PCDHAC1: variants seen among roughly 807,000 people sequenced by gnomAD.
PCDHAC1 encodes protocadherin alpha-C1.
PCDHAC1 carries 42 observed loss-of-function variants against 60.0 expected under a neutral mutation model. The ratio of observed to expected loss-of-function variants is 0.70; its 90% CI spans 0.55 to 0.90. The LOEUF (loss-of-function observed/expected upper bound fraction) is 0.90. PCDHAC1 is among the 40% of genes least tolerant of loss of function. The probability of loss-of-function intolerance (pLI) is 0.00; values close to 1 mark genes in which losing one functional copy is unlikely to be tolerated. For synonymous variants in PCDHAC1, 468 were observed against 499.3 expected, an observed-to-expected ratio of 0.94 and a Z score of 0.84; for missense variants, 1,160 against 1,222.3, an observed-to-expected ratio of 0.95 and a Z score of 0.76.
intron 1 of PCDHAC1, among the ~76,000 whole-genome samples, chr5:140,959,089 C>T (rs150796442): frequency 0.023 from 3,565 of 152,100 alleles, 49 homozygotes; most frequent in Middle Eastern, 0.034. Context: ...TCCTTGGTTT[C>T]GGACATTCAG....
chr5:140,972,552 T>G (rs1247039171), intron 1 of PCDHAC1, among the ~76,000 whole-genome samples: 1 of 152,160 alleles, frequency 6.6e-6, no homozygotes, highest in Admixed American at 6.5e-5. Flanking sequence ...CAGTGAGGAT[T>G]CTGAAGTAAC....
chr5:140,997,921 G>T lies in PCDHAC1; in HGVS notation c.2582-11706G>T, dbSNP rs553205382. On this transcript the variant is annotated intron_variant, in intron 3 of 3. Coordinates refer to ENST00000253807, the MANE Select transcript of PCDHAC1 (RefSeq NM_018898.5). ...CAAGAAGTAGAATTACAGAATCATA[G>T]GATATAAAAATATCAAATTGGCAAA... is the stretch of plus-strand genomic sequence containing the variant. Among the ~76,000 whole-genome samples the T allele has an allele frequency of 1.1e-4, 16 of 152,200 alleles. No homozygotes were observed. The South Asian group carries it at 3.3e-3, about 32-fold the overall frequency.
intron 3 of PCDHAC1, among the ~76,000 whole-genome samples, chr5:140,988,416 A>G (rs1462025901): frequency 6.6e-6 from 1 of 152,118 alleles, no homozygotes; most frequent in Non-Finnish European, 1.5e-5. Flanking sequence ...AGCTTATGTA[A>G]AGAATTTGTT....
chr5:141,011,429 A>G lies in PCDHAC1; in HGVS notation c.*1492A>G, dbSNP rs1554263477. ...TGTGTATGTGAATGTTAATGCAACT[A>G]TTACCTAGAGTGAACTTTAAGCTTT... On this transcript the variant is annotated 3_prime_UTR_variant, in exon 4 of 4. Coordinates refer to ENST00000253807, the MANE Select transcript of PCDHAC1 (RefSeq NM_018898.5). 1.3e-5 allele frequency: 2 copies of G among 153,758 alleles called. No homozygotes were observed. Among genetic ancestry groups the G allele is most frequent in the Non-Finnish European group, 2.9e-5 (2 of 68,036 alleles). 9.5% of individuals were successfully genotyped at this position (153,758 alleles called of 1,614,324 possible).
At chr5:140,961,876 T>G (rs929753490) in intron 1 of PCDHAC1, among the ~76,000 whole-genome samples, 1 of 151,746 alleles carries the variant, frequency 6.6e-6, no homozygotes, top group South Asian at 2.1e-4. Context: ...ATAATTGACT[T>G]ACTTACATCA....
At chr5:140,977,227 A>G (rs149467858) in intron 1 of PCDHAC1, among the ~76,000 whole-genome samples, 4 of 152,288 alleles carry the variant, frequency 2.6e-5, no homozygotes, top group African/African-American at 7.2e-5. Context: ...ATGTTACCCA[A>G]TCATAGAAAA....
intron 2 of PCDHAC1, among the ~76,000 whole-genome samples, chr5:140,981,442 C>T (rs1379745081): frequency 6.6e-6 from 1 of 151,988 alleles, no homozygotes; most frequent in Non-Finnish European, 1.5e-5. Flanking sequence ...GGCATGGTGG[C>T]GGGTGCCTGT....
At chr5:140,999,486 A>G (rs1282748321) in intron 3 of PCDHAC1, among the ~76,000 whole-genome samples, 1 of 152,144 alleles carries the variant, frequency 6.6e-6, no homozygotes, top group Non-Finnish European at 1.5e-5. Context: ...ACTCAAGTCT[A>G]TGTTACCCAA....
Position 140,952,580 on chromosome 5 carries a change from A to G in PCDHAC1, c.2433+23255A>G, listed in dbSNP as rs538999222. ...ATCAGCACTTCGGTCCCAATCATTCAAGTAGTCTCTAGGAAGTTCTAAGCT... is the reference window on the plus strand; with the variant it reads ...ATCAGCACTTCGGTCCCAATCATTCGAGTAGTCTCTAGGAAGTTCTAAGCT... On this transcript the variant is annotated intron_variant, in intron 1 of 3. Transcript: ENST00000253807. Among the ~76,000 whole-genome samples the G allele has an allele frequency of 2.0e-4, 30 of 152,248 alleles. No homozygotes were observed. In the South Asian group the frequency reaches 2.3e-3, roughly 12 times the overall value.
In PCDHAC1 at chr5:140,926,320, C is replaced by G. The variant is rs555057115; in HGVS notation, c.-573C>G. The G allele has an allele frequency of 2.5e-3, 377 of 152,358 alleles. No individual in the cohort carries two copies. The highest frequency in any genetic ancestry group is 3.8e-3 in the Non-Finnish European group (257 of 68,082). The allele number at this position is 152,358 out of a possible 1,614,324, so 9.4% of individuals were successfully genotyped here. A position where few individuals can be genotyped will look rare whatever the true frequency, so the allele number is the denominator to read the frequency against. On this transcript the variant is annotated 5_prime_UTR_variant, in exon 1 of 4. Transcript: ENST00000253807. Reference sequence around the variant, plus strand: ...CGCCCTCTCCGCCGGAGAGGTGCGCCGGGGTCAGAGCGCCGGGACCCGACG... The same window carrying G: ...CGCCCTCTCCGCCGGAGAGGTGCGCGGGGGTCAGAGCGCCGGGACCCGACG...
chr5:140,955,493 T>G (rs1554221955), intron 1 of PCDHAC1, among the ~76,000 whole-genome samples: 1 of 152,190 alleles, frequency 6.6e-6, no homozygotes, highest in African/African-American at 2.4e-5. Flanking sequence ...CCTGCCACCA[T>G]GTGAAGAAAG....
chr5:141,000,805 G>C (rs1049253262), intron 3 of PCDHAC1, among the ~76,000 whole-genome samples: 2 of 151,852 alleles, frequency 1.3e-5, no homozygotes, highest in Non-Finnish European at 2.9e-5. Context: ...TACTCAGAAG[G>C]CTGAGGTGGG....
At chr5:140,945,155 A>G (rs566867183) in intron 1 of PCDHAC1, among the ~76,000 whole-genome samples, 22 of 152,284 alleles carry the variant, frequency 1.4e-4, no homozygotes, top group African/African-American at 5.3e-4. Context: ...TCTATACACT[A>G]TTGAACTATC....
chr5:140,935,828 A>G (rs1365293166), intron 1 of PCDHAC1, among the ~76,000 whole-genome samples: 1 of 152,004 alleles, frequency 6.6e-6, no homozygotes, highest in Non-Finnish European at 1.5e-5. Context: ...GTATTTACAC[A>G]TATTCCATAC....
intron 1 of PCDHAC1, among the ~76,000 whole-genome samples, chr5:140,944,386 T>C (rs1228891284): frequency 6.6e-6 from 1 of 152,054 alleles, no homozygotes; most frequent in Admixed American, 6.6e-5. Flanking sequence ...GGAGTCTCAC[T>C]GTGTTATCCA....
At chr5:140,938,209 G>C (rs1210350140) in intron 1 of PCDHAC1, among the ~76,000 whole-genome samples, 1 of 152,160 alleles carries the variant, frequency 6.6e-6, no homozygotes, top group Admixed American at 6.5e-5. Flanking sequence ...GCCTCCCAAA[G>C]TGCTGGGATT....
At chr5:140,971,752 A>C (rs1367685618) in intron 1 of PCDHAC1, among the ~76,000 whole-genome samples, 2 of 138,248 alleles carry the variant, frequency 1.4e-5, no homozygotes, top group Non-Finnish European at 3.3e-5. Context: ...TATATCTCAT[A>C]TTACTGAATC....
chr5:140,961,196 A>G (rs2095596614), intron 1 of PCDHAC1, among the ~76,000 whole-genome samples: 2 of 152,150 alleles, frequency 1.3e-5, no homozygotes, highest in African/African-American at 4.8e-5. Context: ...GACCCTAGTG[A>G]GGTTGGTATT....
At chr5:140,948,563 A>AT (rs1400147953) in intron 1 of PCDHAC1, among the ~76,000 whole-genome samples, 1 of 151,546 alleles carries the variant, frequency 6.6e-6, no homozygotes, top group African/African-American at 2.4e-5. Flanking sequence ...GTTAAGTTGT[A>AT]TTTTTTAAAG....
Sources: allele counts gnomAD v4.1 joint callset (sites outside exome capture counted in the v4.1 genomes callset), GRCh38; gene constraint gnomAD v4.1.1; transcripts MANE v1.5; gene names NCBI Gene and HGNC (gene_info 2026-07-23, HGNC 2026-07-21).